Variants in TAF3 observed in about 807,000 individuals in gnomAD.
The protein encoded by TAF3 is TATA-box binding protein associated factor 3, also known as transcription initiation factor TFIID subunit 3.
In TAF3, 7 loss-of-function variants were observed where a neutral mutation model predicts 80.6. The observed-to-expected ratio is 0.09, with a 90% CI of 0.05 to 0.16. TAF3 has a LOEUF of 0.16. Ranked by LOEUF, TAF3 falls within the 10% of genes least tolerant of loss-of-function variation. The pLI is 1.00. For synonymous variants in TAF3, 444 were observed against 446.1 expected (o/e 1.00, Z 0.06); for missense variants, 921 against 1,140.2 (o/e 0.81, Z 2.77).
At chr10:7,867,877 G>A (rs1256612299) in intron 2 of TAF3, among the ~76,000 whole-genome samples, 3 of 152,146 alleles carry the variant, frequency 2.0e-5, no homozygotes, top group African/African-American at 7.2e-5. Flanking sequence ...TACCAATAAT[G>A]TAAACGGTCG....
At chr10:7,911,395 A>G (rs1297816510) in intron 2 of TAF3, among the ~76,000 whole-genome samples, 1 of 152,252 alleles carries the variant, frequency 6.6e-6, no homozygotes, top group East Asian at 1.9e-4. Flanking sequence ...AAAAGTGAAC[A>G]CTTGCTTCTG....
intron 6 of TAF3, 37 bp from the exon 7 acceptor site, chr10:8,014,600 A>G (rs764253634): frequency 3.2e-6 from 5 of 1,566,106 alleles, no homozygotes; most frequent in Non-Finnish European, 4.4e-6. Flanking sequence ...AGATGTCTGT[A>G]TAAAAGTTGC....
intron 3 of TAF3, among the ~76,000 whole-genome samples, chr10:7,968,969 C>G (rs1176838649): frequency 6.6e-6 from 1 of 152,140 alleles, no homozygotes; most frequent in African/African-American, 2.4e-5. Context: ...GGTTGGGACT[C>G]TAGACTGTCA....
chr10:7,994,977 G>GAAAA (rs71287400), intron 4 of TAF3, among the ~76,000 whole-genome samples: 1 of 97,646 alleles, frequency 1.0e-5, no homozygotes, highest in Non-Finnish European at 2.0e-5. Context: ...CTCAAAAAAA[G>GAAAA]AAAAAAAAAA....
intron 2 of TAF3, among the ~76,000 whole-genome samples, chr10:7,836,569 C>T (rs1244498): frequency 0.18 from 27,291 of 152,036 alleles, 2,538 homozygotes; most frequent in South Asian, 0.26. Context: ...CCACTGCACC[C>T]GGCCCATTTC....
chr10:7,939,089 A>G (rs1041244958), intron 2 of TAF3, among the ~76,000 whole-genome samples: 19 of 152,230 alleles, frequency 1.2e-4, no homozygotes, highest in Admixed American at 6.5e-4. Flanking sequence ...GTTCAGAAAC[A>G]GGGGTCATCA....
At chr10:7,939,617 CA>C (rs1485683059) in intron 2 of TAF3, among the ~76,000 whole-genome samples, 28 of 137,814 alleles carry the variant, frequency 2.0e-4, no homozygotes, top group African/African-American at 6.7e-4. Flanking sequence ...CACACACACA[CA>C]CACCTCTACC....
At chr10:7,879,683 G>A (rs1185849046) in intron 2 of TAF3, among the ~76,000 whole-genome samples, 1 of 151,940 alleles carries the variant, frequency 6.6e-6, no homozygotes, top group African/African-American at 2.4e-5. Flanking sequence ...CTACCTATTG[G>A]GTAACTCACT....
chr10:7,840,542 TG>T (rs568783091), intron 2 of TAF3, among the ~76,000 whole-genome samples: 29 of 151,796 alleles, frequency 1.9e-4, no homozygotes, highest in African/African-American at 7.0e-4. Flanking sequence ...AAAAAAAGAT[TG>T]GTTTTTTTTC....
chr10:7,850,541 TG>T, intron 2 of TAF3, among the ~76,000 whole-genome samples: 1 of 152,040 alleles, frequency 6.6e-6, no homozygotes, highest in East Asian at 1.9e-4. Context: ...CCAGGCATGG[TG>T]GCACATGCAT....
chr10:7,952,348 A>G (rs1433897590), intron 2 of TAF3, among the ~76,000 whole-genome samples: 1 of 152,244 alleles, frequency 6.6e-6, no homozygotes, highest in Non-Finnish European at 1.5e-5. Flanking sequence ...GTGATTAACG[A>G]TAGCAATTTA....
At chr10:7,887,018 G>A (rs1837414369) in intron 2 of TAF3, among the ~76,000 whole-genome samples, 1 of 151,994 alleles carries the variant, frequency 6.6e-6, no homozygotes, top group South Asian at 2.1e-4. Flanking sequence ...GGCGGATCAC[G>A]AGGTCAGGAG....
intron 4 of TAF3, among the ~76,000 whole-genome samples, chr10:8,007,222 G>T (rs567632309): frequency 6.6e-6 from 1 of 152,104 alleles, no homozygotes; most frequent in Non-Finnish European, 1.5e-5. Flanking sequence ...AAATAATATA[G>T]ATCTCTATGT....
rs574543054 is a variant in TAF3, at chr10:7,938,545, C to T, written c.410-25375C>T. ...CTCTAGTTGACTGAGAGAATTTGAA[C>T]GGCCAGTCAGACAAAAAAAAGAAAA... is the stretch of plus-strand genomic sequence containing the variant. On this transcript the variant is annotated intron_variant, in intron 2 of 6. Coordinates refer to ENST00000344293, the MANE Select transcript of TAF3 (RefSeq NM_031923.4). 5.4e-3 allele frequency among the ~76,000 whole-genome samples: 571 copies of T among 106,208 alleles called. 4 individuals are homozygous for T. Among genetic ancestry groups the T allele is most frequent in the South Asian group, 0.035 (97 of 2,788 alleles). 69.7% of individuals were successfully genotyped at this position (106,208 alleles called of 152,430 possible). A position where few individuals can be genotyped will look rare whatever the true frequency, so the allele number is the denominator to read the frequency against.
intron 2 of TAF3, among the ~76,000 whole-genome samples, chr10:7,944,073 A>T: frequency 7.2e-6 from 1 of 139,728 alleles, no homozygotes; most frequent in East Asian, 2.1e-4. Flanking sequence ...TTATTCACTG[A>T]TTTTTTAAAA....
intron 2 of TAF3, among the ~76,000 whole-genome samples, chr10:7,865,192 G>A (rs1222038990): frequency 6.6e-6 from 1 of 152,102 alleles, no homozygotes; most frequent in Non-Finnish European, 1.5e-5. Context: ...TAGGGGCCGG[G>A]CATGGTGGCT....
chr10:7,945,593 A>G (rs1270818045), intron 2 of TAF3, among the ~76,000 whole-genome samples: 1 of 151,228 alleles, frequency 6.6e-6, no homozygotes, highest in Non-Finnish European at 1.5e-5. Flanking sequence ...GCAGCCCCCT[A>G]CCTCCTCCCA....
In TAF3 at chr10:7,969,542, A is replaced by G. The variant is rs1017653473; in HGVS notation, c.2232+3800A>G. Among the ~76,000 whole-genome samples the G allele has an allele frequency of 1.4e-4, 21 of 152,254 alleles. No individual in the cohort carries two copies. In the East Asian group the frequency reaches 2.1e-3, roughly 15 times the overall value. On this transcript the variant is annotated intron_variant, in intron 3 of 6. Coordinates refer to ENST00000344293, the MANE Select transcript of TAF3 (RefSeq NM_031923.4). The stretch of plus-strand genomic sequence containing the variant: ...AGTATACAGGATTACTTTAATTACA[A>G]TTCCCTCTTGTTCTTTTAAGTGATT...
chr10:7,992,292 T>A (rs1831842775), intron 4 of TAF3, among the ~76,000 whole-genome samples: 1 of 152,204 alleles, frequency 6.6e-6, no homozygotes, highest in Non-Finnish European at 1.5e-5. Context: ...ACTCTCTGGG[T>A]TTACATTTTG....
Sources: gnomAD v4.1 joint callset for allele counts (sites outside exome capture counted in the v4.1 genomes callset) on GRCh38, gnomAD v4.1.1 for gene constraint, MANE v1.5 for transcripts, NCBI Gene and HGNC (gene_info 2026-07-23, HGNC 2026-07-21) for gene names.